The following MSN variants were observed in gnomAD, a reference collection of about 807,000 sequenced individuals.
The protein encoded by MSN is epididymis luminal protein 70.
Under a neutral mutation model 48.0 loss-of-function variants are expected in MSN, and 2 were observed. That is an observed-to-expected ratio of 0.04 (90% confidence interval 0.02 to 0.13). The LOEUF (loss-of-function observed/expected upper bound fraction) is 0.13, where lower values mean the gene tolerates loss of function less well. Among genes scored for constraint, MSN ranks in the 10% least tolerant of loss-of-function variants. MSN has a pLI of 1.00. For missense variants in MSN, 267 were observed against 470.1 expected, an observed-to-expected ratio of 0.57 and a Z score of 3.99; for synonymous variants, 146 against 166.9, an observed-to-expected ratio of 0.87 and a Z score of 0.97.
At chrX:65,678,276 T>C (rs770217338) in intron 1 of MSN, among the ~76,000 whole-genome samples, 4 of 111,789 alleles carry the variant, frequency 3.6e-5, no homozygotes, top group Non-Finnish European at 5.6e-5. Flanking sequence ...TCTTTTCTTC[T>C]TGTTTAGAGT....
chrX:65,644,082 G>T (rs1332871155), intron 1 of MSN, among the ~76,000 whole-genome samples: 1 of 111,831 alleles, frequency 8.9e-6, no homozygotes, highest in Non-Finnish European at 1.9e-5. Flanking sequence ...CTCTCTCACT[G>T]GCTGCTGCAA....
chrX:65,695,372 T>C (rs1247830232), intron 1 of MSN, among the ~76,000 whole-genome samples: 1 of 109,364 alleles, frequency 9.1e-6, no homozygotes, highest in East Asian at 2.9e-4. Context: ...TGGTGGCACA[T>C]GCCTGTGATC....
intron 1 of MSN, among the ~76,000 whole-genome samples, chrX:65,672,382 A>G (rs1303312926): frequency 2.7e-5 from 3 of 112,323 alleles, no homozygotes; most frequent in Non-Finnish European, 3.8e-5. Flanking sequence ...GCAAAAAGGA[A>G]AAAACAGGGT....
chrX:65,603,646 C>G (rs956667180), intron 1 of MSN, among the ~76,000 whole-genome samples: 1 of 112,049 alleles, frequency 8.9e-6, no homozygotes, highest in African/African-American at 3.2e-5. Context: ...TAATGGCTAC[C>G]ATGTTGGACA....
intron 1 of MSN, among the ~76,000 whole-genome samples, chrX:65,675,430 C>T (rs775622481): frequency 8.1e-5 from 9 of 110,450 alleles, no homozygotes; most frequent in Non-Finnish European, 1.7e-4. Flanking sequence ...GGGTGTAAAC[C>T]AATGGCCCTA....
At chrX:65,651,647 G>A (rs2070743495) in intron 1 of MSN, among the ~76,000 whole-genome samples, 1 of 106,506 alleles carries the variant, frequency 9.4e-6, no homozygotes, top group South Asian at 4.2e-4. Context: ...GAGTGCAATG[G>A]CACGATCTCA....
intron 1 of MSN, among the ~76,000 whole-genome samples, chrX:65,681,315 A>G (rs2071052574): frequency 8.9e-6 from 1 of 111,898 alleles, no homozygotes; most frequent in Admixed American, 9.5e-5. Context: ...CTCTTTCATT[A>G]AACGTGTGCA....
chrX:65,682,033 G>A (rs1314108725), intron 1 of MSN, among the ~76,000 whole-genome samples: 1 of 111,881 alleles, frequency 8.9e-6, no homozygotes, highest in Non-Finnish European at 1.9e-5. Context: ...ACAAGTGCCT[G>A]GGGAGGGAGG....
In MSN at chrX:65,667,858, G is replaced by T; in HGVS notation, c.12+5G>T. 1 of 1,209,609 alleles carries T rather than the reference G, an allele frequency of 8.3e-7. No individual in the cohort carries two copies. Among genetic ancestry groups the T allele is most frequent in the Non-Finnish European group, 1.1e-6 (1 of 894,403 alleles). On this transcript the variant is annotated splice_donor_5th_base_variant and intron_variant, in intron 1 of 12. Coordinates refer to ENST00000360270, the MANE Select transcript of MSN (RefSeq NM_002444.3). Reference sequence around the variant, plus strand: ...GCCGCCACCATGCCCAAAACGGTGAGTGCCGGAGGTGGGCGCTGTCGACCC... The same window carrying T: ...GCCGCCACCATGCCCAAAACGGTGATTGCCGGAGGTGGGCGCTGTCGACCC...
In MSN at chrX:65,739,787, T is replaced by C; in HGVS notation, c.1628T>C (p.Met543Thr). Residue 543 changes from methionine to threonine, a missense_variant, in exon 13 of 13, where the codon ATG becomes ACG. Met to Thr is a moderately conservative substitution (Grantham distance 81). This residue lies in a region of MSN where 48 missense variants were observed against 115.5 expected (regional missense o/e 0.42). Transcript: ENST00000360270. The stretch of plus-strand genomic sequence containing the variant: ...GAGTCCAAGAAGACTGCCAATGACA[T>C]GATCCATGCTGAGAACATGCGACTG... ...RDESKKTAND[M>T]IHAENMRLGR... The C allele has an allele frequency of 8.3e-7, 1 of 1,211,108 alleles. No homozygotes were observed. Among genetic ancestry groups the C allele is most frequent in the Non-Finnish European group, 1.1e-6 (1 of 895,162 alleles).
intron 1 of MSN, among the ~76,000 whole-genome samples, chrX:65,651,110 T>C (rs1012067082): frequency 2.7e-5 from 3 of 110,973 alleles, no homozygotes; most frequent in Admixed American, 1.9e-4. Flanking sequence ...TAATGTAACA[T>C]AATATATTAA....
intron 11 of MSN, 55 bp downstream of exon 11, chrX:65,738,672 G>A: frequency 8.5e-6 from 9 of 1,059,240 alleles, no homozygotes; most frequent in Non-Finnish European, 1.2e-5. Context: ...ATATGCATAG[G>A]TAACAGCTCC....
At chrX:65,729,234 T>G (rs2071598081) in intron 3 of MSN, among the ~76,000 whole-genome samples, 1 of 111,442 alleles carries the variant, frequency 9.0e-6, no homozygotes, top group South Asian at 3.8e-4. Flanking sequence ...AGGAAGAAAT[T>G]CCCAACAGAA....
chrX:65,616,071 G>A (rs1485223035), intron 1 of MSN, among the ~76,000 whole-genome samples: 1 of 111,314 alleles, frequency 9.0e-6, no homozygotes, highest in Non-Finnish European at 1.9e-5. Context: ...CTATATCTCT[G>A]TTTTGGTACC....
At chrX:65,699,136 T>G (rs1175706584) in intron 1 of MSN, among the ~76,000 whole-genome samples, 1 of 111,913 alleles carries the variant, frequency 8.9e-6, no homozygotes, top group Non-Finnish European at 1.9e-5. Flanking sequence ...GATTTTCTGT[T>G]TGGGAGATTG....
intron 8 of MSN, among the ~76,000 whole-genome samples, chrX:65,736,334 G>A (rs1235880460): frequency 9.0e-6 from 1 of 110,792 alleles, no homozygotes; most frequent in Non-Finnish European, 1.9e-5. Context: ...ATGAGGACAA[G>A]GGTATAGAGG....
At chrX:65,654,938 A>C (rs1422821450) in intron 1 of MSN, among the ~76,000 whole-genome samples, 4 of 111,328 alleles carry the variant, frequency 3.6e-5, no homozygotes, top group Non-Finnish European at 7.5e-5. Context: ...TTTTATCCCC[A>C]TACCTCAACA....
intron 1 of MSN, chrX:65,588,768 GT>G: frequency 3.3e-6 from 1 of 302,269 alleles, no homozygotes; most frequent in Non-Finnish European, 4.6e-6. Context: ...CAGTGTAGGT[GT>G]TTTGACCCCC....
At chrX:65,622,510 G>GTTTTT (rs1216557190) in intron 1 of MSN, among the ~76,000 whole-genome samples, 7 of 66,476 alleles carry the variant, frequency 1.1e-4, no homozygotes, top group East Asian at 5.0e-4. Flanking sequence ...AGGCATCTTT[G>GTTTTT]TTTTTTTTTT....
Sources: allele counts gnomAD v4.1 joint callset (sites outside exome capture counted in the v4.1 genomes callset), GRCh38; gene constraint gnomAD v4.1.1; regional missense constraint gnomAD v4.1.1; transcripts MANE v1.5; gene names NCBI Gene and HGNC (gene_info 2026-07-23, HGNC 2026-07-21).